Variants in ZNF223 observed in about 807,000 individuals in gnomAD.
ZNF223 encodes Homo sapiens zinc finger protein 223.
Under a neutral mutation model 12.3 loss-of-function variants are expected in ZNF223, and 9 were observed. The observed-to-expected ratio is 0.73, with a 90% confidence interval of 0.44 to 1.28. The LOEUF (loss-of-function observed/expected upper bound fraction) is 1.28. Ranked by LOEUF, ZNF223 falls within the 50% of genes most tolerant of loss-of-function variation. ZNF223 has a pLI of 0.00. For missense variants in ZNF223, 506 were observed against 579.0 expected, an observed-to-expected ratio of 0.87 and a Z score of 1.29; for synonymous variants, 171 against 195.2, an observed-to-expected ratio of 0.88 and a Z score of 1.03.
chr19:44,057,973 T>C (rs1171719502), intron 2 of ZNF223, among the ~76,000 whole-genome samples: 1 of 152,172 alleles, frequency 6.6e-6, no homozygotes, highest in African/African-American at 2.4e-5. Context: ...TCAAGAAAGC[T>C]ACCTGGAGCA....
In ZNF223 at chr19:44,066,935, A is replaced by G. The variant is rs1485231625; in HGVS notation, c.1107A>G (p.Glu369=). 1.2e-6 allele frequency: 2 copies of G among 1,614,072 alleles called. No homozygotes were observed. Among genetic ancestry groups the G allele is most frequent in the African/African-American group, 1.3e-5 (1 of 74,914 alleles). Residue 369 remains glutamate, a synonymous_variant, in exon 5 of 5, where the codon GAA becomes GAG. Transcript: ENST00000434772. ...LLIHQRVHTG[E]KPYKCDKCGK... is the part of the protein sequence containing the mutation. ...TCCATCAGCGAGTCCACACTGGAGAAAAGCCATACAAATGTGACAAGTGTG... is the reference window on the plus strand; with the variant it reads ...TCCATCAGCGAGTCCACACTGGAGAGAAGCCATACAAATGTGACAAGTGTG...
intron 2 of ZNF223, among the ~76,000 whole-genome samples, chr19:44,056,223 A>G (rs1057245214): frequency 7.9e-5 from 12 of 151,124 alleles, no homozygotes; most frequent in Admixed American, 6.6e-5. Context: ...TACCTCACAC[A>G]TTTTTTCTTT....
At chr19:44,057,069 T>C (rs1976779460) in intron 2 of ZNF223, among the ~76,000 whole-genome samples, 1 of 152,022 alleles carries the variant, frequency 6.6e-6, no homozygotes, top group Non-Finnish European at 1.5e-5. Flanking sequence ...GAAATAGAGA[T>C]CGCCAATAAT....
At position 44,065,922 on chromosome 19, in the gene ZNF223, A is replaced by T. The variant is rs926553152; in HGVS notation, c.236-142A>T. ...CATGGTATGGTTTTAGATTACTCTC[A>T]TGCAAACCAGAAACCAGGGTGCACT... On this transcript the variant is annotated intron_variant, in intron 4 of 4. Coordinates refer to ENST00000434772, the MANE Select transcript of ZNF223 (RefSeq NM_013361.6). 2.9e-6 allele frequency: 4 copies of T among 1,395,184 alleles called. No individual in the cohort carries two copies. In the African/African-American group the frequency reaches 5.8e-5, roughly 20 times the overall value. The allele number at this position is 1,395,184 out of a possible 1,614,324, so 86.4% of individuals were successfully genotyped here. A position where few individuals can be genotyped will look rare whatever the true frequency, so the allele number is the denominator to read the frequency against.
At chr19:44,055,696 G>A (rs1279367541) in intron 2 of ZNF223, among the ~76,000 whole-genome samples, 2 of 152,020 alleles carry the variant, frequency 1.3e-5, no homozygotes, top group Non-Finnish European at 2.9e-5. Flanking sequence ...TTCAAACCGG[G>A]AGGCGGAGGT....
rs748833908 is a variant in ZNF223, at chr19:44,060,591, G to C, written c.142+10G>C. ...AACCTGCTGTCAGTGGGTGAGGACA[G>C]GCATCTTCTATAAGGGAATGTCAGG... On this transcript the variant is annotated intron_variant, in intron 3 of 4. Coordinates refer to ENST00000434772, the MANE Select transcript of ZNF223 (RefSeq NM_013361.6). 7 of 1,613,946 alleles carry C rather than the reference G, an allele frequency of 4.3e-6. No homozygotes were observed. The highest frequency in any genetic ancestry group is 5.9e-6 in the Non-Finnish European group (7 of 1,179,976).
Position 44,060,741 on chromosome 19 carries a change from G to A in ZNF223, c.143-8G>A. On this transcript the variant is annotated splice_region_variant and splice_polypyrimidine_tract_variant and intron_variant, in intron 3 of 4. Transcript: ENST00000434772. ...TGGGATTAAGCATGTGACTTTTCCT[G>A]TTTACAGGGCATCAACCATTCCACC... 1 of 1,614,006 alleles carries A rather than the reference G, an allele frequency of 6.2e-7. No homozygotes were observed. Among genetic ancestry groups the A allele is most frequent in the East Asian group, 2.2e-5 (1 of 44,876 alleles).
intron 1 of ZNF223, 55 bp downstream of exon 1, chr19:44,052,250 G>T: frequency 6.6e-6 from 1 of 152,436 alleles, no homozygotes; most frequent in South Asian, 2.0e-4. Context: ...TTCTGGCGTC[G>T]GGGGGCTTTG....
chr19:44,060,687 G>T, intron 3 of ZNF223, 62 bp from the exon 4 acceptor site: 3 of 1,613,598 alleles, frequency 1.9e-6, no homozygotes, highest in South Asian at 2.2e-5. Flanking sequence ...TTTCCAATAA[G>T]TGTTACCGTG....
At chr19:44,057,809 C>A (rs1357145064) in intron 2 of ZNF223, among the ~76,000 whole-genome samples, 2 of 152,212 alleles carry the variant, frequency 1.3e-5, no homozygotes, top group East Asian at 3.8e-4. Context: ...TACCATGGAG[C>A]AGGTTCACTG....
Position 44,066,314 on chromosome 19 carries a change from C to T in ZNF223, c.486C>T (p.Ile162=), listed in dbSNP as rs1182059357. 6.8e-6 allele frequency: 11 copies of T among 1,614,242 alleles called. No individual in the cohort carries two copies. Among genetic ancestry groups the T allele is most frequent in the Non-Finnish European group, 9.3e-6 (11 of 1,180,038 alleles). The part of the protein sequence containing the change: ...KCKQSFSDMS[I]FDLPQQIRSA... ...AACAATCCTTCAGTGATATGTCCAT[C>T]TTTGATCTTCCTCAGCAAATACGCT... Residue 162 remains isoleucine (I), a synonymous_variant, in exon 5 of 5, where the codon ATC becomes ATT. Coordinates refer to ENST00000434772, the MANE Select transcript of ZNF223 (RefSeq NM_013361.6).
At position 44,055,207 on chromosome 19, in the gene ZNF223, C is replaced by G. The variant is rs1488663031; in HGVS notation, c.15+16C>G. 1.2e-6 allele frequency: 2 copies of G among 1,613,198 alleles called. No individual in the cohort carries two copies. The highest frequency in any genetic ancestry group is 2.7e-5 in the African/African-American group (2 of 74,882). On this transcript the variant is annotated intron_variant, in intron 2 of 4. Coordinates refer to ENST00000434772, the MANE Select transcript of ZNF223 (RefSeq NM_013361.6). ...CATGTCCAAGGTAAGTAGGACTTGC[C>G]TCTCTTACTGTTAAAATTCCATCTC...
intron 1 of ZNF223, among the ~76,000 whole-genome samples, chr19:44,052,418 G>GCACC (rs1477919337): frequency 6.6e-6 from 1 of 152,108 alleles, no homozygotes; most frequent in African/African-American, 2.4e-5. Context: ...ACTTCCCATT[G>GCACC]CTGTTCTTTA....
At position 44,060,781 on chromosome 19, in the gene ZNF223, T is replaced by C; in HGVS notation, c.175T>C (p.Phe59Leu). The C allele has an allele frequency of 6.2e-7, 1 of 1,614,142 alleles. No homozygotes were observed. The change falls in exon 4 of 5, where the codon TTT (phenylalanine) becomes CTT (leucine). Residue 59 changes from phenylalanine to leucine, a missense_variant. Phe to Leu is a conservative substitution (Grantham distance 22, BLOSUM62 0). Transcript: ENST00000434772. ...HQPFHRDTFH[F>L]LREEKFWMMD... The stretch of plus-strand genomic sequence containing the variant: ...ACCATTCCACCGAGATACTTTCCAC[T>C]TTCTAAGGGAGGAAAAGTTTTGGAT...
Position 44,055,209 on chromosome 19 carries a change from C to A in ZNF223, c.15+18C>A. The A allele has an allele frequency of 6.2e-7, 1 of 1,613,156 alleles. No homozygotes were observed. The highest frequency in any genetic ancestry group is 8.5e-7 in the Non-Finnish European group (1 of 1,179,322). The stretch of plus-strand genomic sequence containing the variant: ...TGTCCAAGGTAAGTAGGACTTGCCT[C>A]TCTTACTGTTAAAATTCCATCTCAC... On this transcript the variant is annotated intron_variant, in intron 2 of 4. Coordinates refer to ENST00000434772, the MANE Select transcript of ZNF223 (RefSeq NM_013361.6).
At chr19:44,055,630 A>G (rs1976754290) in intron 2 of ZNF223, among the ~76,000 whole-genome samples, 3 of 151,956 alleles carry the variant, frequency 2.0e-5, no homozygotes, top group Non-Finnish European at 4.4e-5. Flanking sequence ...TTAACTGGGC[A>G]TGGTGGTACA....
Position 44,066,730 on chromosome 19 carries a change from C to T in ZNF223, c.902C>T (p.Ser301Leu). The T allele has an allele frequency of 1.9e-6, 3 of 1,614,160 alleles. No individual in the cohort carries two copies. The highest frequency in any genetic ancestry group is 2.2e-5 in the South Asian group (2 of 91,076). The change falls in exon 5 of 5, where the codon TCA (serine) becomes TTA (leucine). Residue 301 changes from serine (S) to leucine (L), a missense_variant. Physicochemically the swap from Ser to Leu is moderately radical, Grantham distance 145. Transcript: ENST00000434772. The stretch of plus-strand genomic sequence containing the variant: ...TGTAGTGTGAGCTTCCGTCTTAGGT[C>T]AAGTCTTAATAGGCATTGTGTGGTC... ...EICSVSFRLR[S>L]SLNRHCVVHT...
chr19:44,062,975 A>T (rs1976861228), intron 4 of ZNF223, among the ~76,000 whole-genome samples: 1 of 152,142 alleles, frequency 6.6e-6, no homozygotes, highest in South Asian at 2.1e-4. Context: ...ACATTATGCA[A>T]ATTTAATTGT....
intron 4 of ZNF223, among the ~76,000 whole-genome samples, chr19:44,065,290 C>T (rs1372652431): frequency 6.6e-6 from 1 of 152,078 alleles, no homozygotes; most frequent in Non-Finnish European, 1.5e-5. Flanking sequence ...GTTTTTTAAG[C>T]CATCTTAAAC....
Sources: allele counts gnomAD v4.1 joint callset (sites outside exome capture counted in the v4.1 genomes callset), GRCh38; gene constraint gnomAD v4.1.1; transcripts MANE v1.5; gene names NCBI Gene and HGNC (gene_info 2026-07-23, HGNC 2026-07-21).